FKBP1A: variants seen among roughly 807,000 people sequenced by gnomAD.
The protein encoded by FKBP1A is FKBP prolyl isomerase 1A.
FKBP1A carries 5 observed loss-of-function variants against 14.2 expected under a neutral mutation model. That is an observed-to-expected ratio of 0.35 (90% CI 0.18 to 0.74). The LOEUF (loss-of-function observed/expected upper bound fraction) is 0.74. FKBP1A is among the 30% of genes least tolerant of loss of function. The pLI is 0.56. For synonymous variants in FKBP1A, 42 were observed against 49.1 expected (o/e 0.86, Z 0.60); for missense variants, 53 against 138.8 (o/e 0.38, Z 3.10).
Position 1,386,451 on chromosome 20 carries a change from A to C in FKBP1A, c.85+6383T>G, listed in dbSNP as rs2089669918. Among the ~76,000 whole-genome samples the C allele has an allele frequency of 6.6e-6, 1 of 152,182 alleles. No homozygotes were observed. The highest frequency in any genetic ancestry group is 2.4e-5 in the African/African-American group (1 of 41,438). The stretch of plus-strand genomic sequence containing the variant: ...TGATGGGGAGACCTTGGAGAACAAC[A>C]CTAGTGTGGGTCTGGCCTCCTGGAG... On this transcript the variant is annotated intron_variant, in intron 2 of 4. Transcript: ENST00000400137. This position sits in a 1 kb window ranked among gnomAD's most constrained non-coding sequence, Gnocchi z 4.7.
At chr20:1,382,672 A>G (rs1486376027) in intron 2 of FKBP1A, among the ~76,000 whole-genome samples, 1 of 152,230 alleles carries the variant, frequency 6.6e-6, no homozygotes, top group Non-Finnish European at 1.5e-5. Flanking sequence ...GGTAACAAGA[A>G]TATGAGGGGT....
chr20:1,376,478 A>C (rs2089545903), intron 2 of FKBP1A, among the ~76,000 whole-genome samples: 1 of 152,230 alleles, frequency 6.6e-6, no homozygotes, highest in Non-Finnish European at 1.5e-5. Flanking sequence ...GAGAACAGGA[A>C]TACTAAGGAG....
At position 1,374,014 on chromosome 20, in the gene FKBP1A, A is replaced by G. The variant is rs867784804; in HGVS notation, c.198+1477T>C. On this transcript the variant is annotated intron_variant, in intron 3 of 4. Coordinates refer to ENST00000400137, the MANE Select transcript of FKBP1A (RefSeq NM_000801.5). ...AGTTGAGCAGTTTATTTGGAGATAA[A>G]TCAGTGATATTTTATAGAGGAAGTA... Among the ~76,000 whole-genome samples, 4 of 152,236 alleles carry G rather than the reference A, an allele frequency of 2.6e-5. 1 individual carries two copies. The highest frequency in any genetic ancestry group is 7.2e-5 in the African/African-American group (3 of 41,470).
rs553262444 is a variant in FKBP1A at position 1,386,845 on chromosome 20, C to A, written c.85+5989G>T. ...CGACTTTCTGCACTGCTAGAATACA[C>A]CTGGTCAAAATCAAAGGGGTCCAGG... On this transcript the variant is annotated intron_variant, in intron 2 of 4. Transcript: ENST00000400137. This position sits in a 1 kb window ranked among gnomAD's most constrained non-coding sequence, Gnocchi z 4.7. Among the ~76,000 whole-genome samples the A allele has an allele frequency of 3.9e-5, 6 of 152,230 alleles. No individual in the cohort carries two copies. Among genetic ancestry groups the A allele is most frequent in the African/African-American group, 1.2e-4 (5 of 41,514 alleles).
chr20:1,380,301 G>A (rs1222041635), intron 2 of FKBP1A, among the ~76,000 whole-genome samples: 1 of 152,092 alleles, frequency 6.6e-6, no homozygotes, highest in African/African-American at 2.4e-5. Flanking sequence ...GCAGGAGAGA[G>A]CTATACAGAG....
intron 2 of FKBP1A, among the ~76,000 whole-genome samples, chr20:1,383,782 A>G (rs2089642355): frequency 6.7e-6 from 1 of 150,034 alleles, no homozygotes; most frequent in African/African-American, 2.5e-5. Context: ...GGTTGCAGTG[A>G]GCTATGACCG....
Position 1,376,378 on chromosome 20 carries a change from T to C in FKBP1A, c.86-775A>G, listed in dbSNP as rs983074731. ...AATGAAAGAAAGAATTTGTGCAGCA[T>C]TCATCCCACTTATTTTATCCAATGC... On this transcript the variant is annotated intron_variant, in intron 2 of 4. Coordinates refer to ENST00000400137, the MANE Select transcript of FKBP1A (RefSeq NM_000801.5). 3.3e-5 allele frequency among the ~76,000 whole-genome samples: 5 copies of C among 152,238 alleles called. No homozygotes were observed. In the East Asian group the frequency reaches 9.6e-4, roughly 29 times the overall value.
chr20:1,382,553 G>A (rs183183046), intron 2 of FKBP1A, among the ~76,000 whole-genome samples: 2 of 152,126 alleles, frequency 1.3e-5, no homozygotes, highest in Admixed American at 1.3e-4. Flanking sequence ...CTGGTGGCAC[G>A]TATGGTGCTG....
Position 1,393,033 on chromosome 20 carries a change from A to ACGCTGAGCGGG in FKBP1A, c.-36_-35insCCCGCTCAGCG. On this transcript the variant is annotated 5_prime_UTR_variant, in exon 1 of 5. Coordinates refer to ENST00000400137, the MANE Select transcript of FKBP1A (RefSeq NM_000801.5). ...GGACGCTGAGCGGGCGGGCGGCGCG[A>ACGCTGAGCGGG]CGGGCGGCGTGGACCAACAGCGACC... The ACGCTGAGCGGG allele has an allele frequency of 2.1e-6, 3 of 1,400,192 alleles. No homozygotes were observed. The highest frequency in any genetic ancestry group is 2.8e-6 in the Non-Finnish European group (3 of 1,061,000). 86.7% of individuals were successfully genotyped at this position (1,400,192 alleles called of 1,614,324 possible).
chr20:1,383,855 G>C (rs2089643265), intron 2 of FKBP1A, among the ~76,000 whole-genome samples: 1 of 149,136 alleles, frequency 6.7e-6, no homozygotes, highest in African/African-American at 2.6e-5. Context: ...AAAAAAAAAG[G>C]TGTAATGGTT....
chr20:1,371,105 CAA>C (rs1355287815), intron 4 of FKBP1A: 1 of 985,414 alleles, frequency 1.0e-6, no homozygotes, highest in Non-Finnish European at 1.2e-6. Flanking sequence ...GGCTTTCAAA[CAA>C]AAGTGTCCTC....
chr20:1,375,443 T>C, intron 3 of FKBP1A, 48 bp downstream of exon 3: 3 of 1,371,986 alleles, frequency 2.2e-6, no homozygotes, highest in Non-Finnish European at 3.1e-6. Context: ...TAAAAAAATA[T>C]AAAAGGTAAA....
At chr20:1,378,950 G>T (rs1488394139) in intron 2 of FKBP1A, among the ~76,000 whole-genome samples, 1 of 152,176 alleles carries the variant, frequency 6.6e-6, no homozygotes, top group African/African-American at 2.4e-5. Flanking sequence ...TTTTGTCTGT[G>T]TATAAACAAA....
intron 2 of FKBP1A, among the ~76,000 whole-genome samples, chr20:1,381,007 T>G (rs982987611): frequency 6.6e-6 from 1 of 152,182 alleles, no homozygotes; most frequent in Admixed American, 6.5e-5. Context: ...ACCTATCAAA[T>G]TTATAGAAGA....
intron 3 of FKBP1A, 59 bp from the exon 4 acceptor site, chr20:1,372,299 A>G: frequency 6.3e-7 from 1 of 1,580,640 alleles, no homozygotes; most frequent in Non-Finnish European, 8.6e-7. Flanking sequence ...TGTCTCTGTA[A>G]GAAAAAGAGC....
chr20:1,389,529 C>T (rs1387402543), intron 2 of FKBP1A, among the ~76,000 whole-genome samples: 2 of 152,130 alleles, frequency 1.3e-5, no homozygotes, highest in South Asian at 2.1e-4. Flanking sequence ...ACACCTGTCC[C>T]GGGAGCCTCA....
rs1194989482 is a variant in FKBP1A at position 1,386,325 on chromosome 20, T to C, written c.85+6509A>G. On this transcript the variant is annotated intron_variant, in intron 2 of 4. Coordinates refer to ENST00000400137, the MANE Select transcript of FKBP1A (RefSeq NM_000801.5). This position sits in a 1 kb window ranked among gnomAD's most constrained non-coding sequence, Gnocchi z 4.7. ...GCTTCTTGAGGGCAACATTGAGGCT[T>C]TGCCCAGCTCCTTATATATTCACTG... Among the ~76,000 whole-genome samples, 1 of 152,208 alleles carries C rather than the reference T, an allele frequency of 6.6e-6. No homozygotes were observed. The highest frequency in any genetic ancestry group is 1.5e-5 in the Non-Finnish European group (1 of 68,036).
At chr20:1,381,141 G>A (rs780011237) in intron 2 of FKBP1A, among the ~76,000 whole-genome samples, 1 of 152,100 alleles carries the variant, frequency 6.6e-6, no homozygotes. Context: ...ACTTTAAAAA[G>A]CACTGTTAAG....
Position 1,386,680 on chromosome 20 carries a change from G to A in FKBP1A, c.85+6154C>T, listed in dbSNP as rs2089672199. ...AGTGTGGTGGCACCTAAGCAAAGGG[G>A]CAGAGACCTCCATGTGGGAAAAGGC... On this transcript the variant is annotated intron_variant, in intron 2 of 4. Coordinates refer to ENST00000400137, the MANE Select transcript of FKBP1A (RefSeq NM_000801.5). This position sits in a 1 kb window ranked among gnomAD's most constrained non-coding sequence, Gnocchi z 4.7. 6.6e-6 allele frequency among the ~76,000 whole-genome samples: 1 copy of A among 152,212 alleles called. No individual in the cohort carries two copies.
Sources: allele counts gnomAD v4.1 joint callset (sites outside exome capture counted in the v4.1 genomes callset), GRCh38; gene constraint gnomAD v4.1.1; non-coding constraint Gnocchi (gnomAD v3.1); transcripts MANE v1.5; gene names NCBI Gene and HGNC (gene_info 2026-07-23, HGNC 2026-07-21).